Variants in CHRM2 observed in about 807,000 individuals in gnomAD.
CHRM2 encodes the protein muscarinic acetylcholine receptor M2.
Under a neutral mutation model 25.0 loss-of-function variants are expected in CHRM2, and 8 were observed. The ratio of observed to expected loss-of-function variants is 0.32; its 90% CI spans 0.19 to 0.58. CHRM2 has a LOEUF of 0.58. CHRM2 is among the 20% of genes least tolerant of loss of function. The pLI is 0.88. For synonymous variants in CHRM2, 202 were observed against 205.7 expected, an observed-to-expected ratio of 0.98 and a Z score of 0.15; for missense variants, 440 against 567.1, an observed-to-expected ratio of 0.78 and a Z score of 2.28.
chr7:137,002,982 G>T (rs1804150610), intron 3 of CHRM2, among the ~76,000 whole-genome samples: 1 of 152,066 alleles, frequency 6.6e-6, no homozygotes, highest in African/African-American at 2.4e-5. Context: ...ACATCTTCTA[G>T]ATCTTCTAGA....
At chr7:136,953,404 A>C (rs1437317217) in intron 2 of CHRM2, among the ~76,000 whole-genome samples, 1 of 152,202 alleles carries the variant, frequency 6.6e-6, no homozygotes, top group Admixed American at 6.5e-5. Context: ...GTGTATAGAT[A>C]GATTTTTCTG....
chr7:136,896,643 A>G (rs138367550), intron 2 of CHRM2, among the ~76,000 whole-genome samples: 22 of 152,254 alleles, frequency 1.4e-4, no homozygotes, highest in African/African-American at 5.3e-4. Flanking sequence ...AACATCTTTC[A>G]TGACCCTAAA....
At chr7:136,891,984 C>G (rs1420309089) in intron 2 of CHRM2, among the ~76,000 whole-genome samples, 2 of 152,146 alleles carry the variant, frequency 1.3e-5, no homozygotes, top group Non-Finnish European at 2.9e-5. Flanking sequence ...TTTGATAACT[C>G]AGGAGAAGGC....
At chr7:136,940,190 T>C (rs1440722341) in intron 2 of CHRM2, among the ~76,000 whole-genome samples, 2 of 152,190 alleles carry the variant, frequency 1.3e-5, no homozygotes, top group East Asian at 1.9e-4. Context: ...GAAAAGAATA[T>C]AGCAGTTTGT....
intron 2 of CHRM2, among the ~76,000 whole-genome samples, chr7:136,945,498 AC>A (rs1394394538): frequency 6.6e-6 from 1 of 151,648 alleles, no homozygotes; most frequent in Non-Finnish European, 1.5e-5. Flanking sequence ...TCCTTTCCCC[AC>A]TTTGTTTGTG....
chr7:136,949,459 T>TAA lies in CHRM2; in HGVS notation c.-124-42710_-124-42709dup, dbSNP rs386411435. ...TAACAAGACCCTGTCTCTGCAAAAC[T>TAA]AAAAAAAAAAAAAAAAAAATCAGCC... On this transcript the variant is annotated intron_variant, in intron 2 of 3. Coordinates refer to ENST00000680005, the MANE Select transcript of CHRM2 (RefSeq NM_001006630.2). Among the ~76,000 whole-genome samples, 494 of 120,834 alleles carry TAA rather than the reference T, an allele frequency of 4.1e-3. 18 individuals are homozygous for TAA. The highest frequency in any genetic ancestry group is 9.1e-3 in the Admixed American group (107 of 11,712). 79.3% of individuals were successfully genotyped at this position (120,834 alleles called of 152,430 possible).
At chr7:137,007,352 C>G (rs1804511519) in intron 3 of CHRM2, among the ~76,000 whole-genome samples, 1 of 152,084 alleles carries the variant, frequency 6.6e-6, no homozygotes, top group African/African-American at 2.4e-5. Context: ...TTCTATCCCC[C>G]ACAGCCCTTG....
chr7:136,938,143 G>T, intron 2 of CHRM2: 1 of 647,288 alleles, frequency 1.5e-6, no homozygotes. Context: ...TCCTCTTCTT[G>T]TCAGGATCTG....
At chr7:136,870,388 G>A (rs1161795107) in intron 2 of CHRM2, 1 of 152,458 alleles carries the variant, frequency 6.6e-6, no homozygotes, top group Non-Finnish European at 1.5e-5. Flanking sequence ...GCGCTGCCCG[G>A]CGCCCCTGGG....
chr7:136,986,104 C>CA (rs1352876807), intron 2 of CHRM2, among the ~76,000 whole-genome samples: 3 of 152,136 alleles, frequency 2.0e-5, no homozygotes, highest in African/African-American at 7.2e-5. Flanking sequence ...GATGAGAACC[C>CA]AATCAGCTGA....
In CHRM2 at chr7:136,881,862, T is replaced by C. The variant is rs929471174; in HGVS notation, c.-125+12444T>C. ...ATCACAGGGCTGTTTACTTTCCACT[T>C]CTCTTTCTCACATCATCTTCCAATC... On this transcript the variant is annotated intron_variant, in intron 2 of 3. Transcript: ENST00000680005. Among the ~76,000 whole-genome samples the C allele has an allele frequency of 2.6e-5, 4 of 152,100 alleles. No individual in the cohort carries two copies. In the East Asian group the frequency reaches 7.7e-4, roughly 29 times the overall value.
chr7:136,987,914 A>G (rs1227711956), intron 2 of CHRM2, among the ~76,000 whole-genome samples: 1 of 152,158 alleles, frequency 6.6e-6, no homozygotes, highest in Non-Finnish European at 1.5e-5. Flanking sequence ...TTATAAGCAA[A>G]TAGGGTGCAG....
At chr7:136,995,118 C>T (rs186813353) in intron 3 of CHRM2, among the ~76,000 whole-genome samples, 1 of 152,202 alleles carries the variant, frequency 6.6e-6, no homozygotes, top group Admixed American at 6.5e-5. Flanking sequence ...ATCCTATACA[C>T]ATTGTATAGA....
intron 2 of CHRM2, among the ~76,000 whole-genome samples, chr7:136,873,991 A>G (rs1795948359): frequency 6.6e-6 from 1 of 152,222 alleles, no homozygotes; most frequent in Non-Finnish European, 1.5e-5. Context: ...TGTCTGATGC[A>G]TAGTAATAAA....
chr7:136,918,781 T>C (rs192148511), intron 2 of CHRM2, among the ~76,000 whole-genome samples: 81 of 152,122 alleles, frequency 5.3e-4, no homozygotes, highest in African/African-American at 1.9e-3. Flanking sequence ...GCTGGTGTTA[T>C]AGAGAAACTT....
chr7:136,910,824 T>TGTGC (rs1195559414), intron 2 of CHRM2, among the ~76,000 whole-genome samples: 2 of 148,392 alleles, frequency 1.3e-5, no homozygotes, highest in African/African-American at 5.2e-5. Context: ...TGTGTGTGTG[T>TGTGC]GTGTGTGAGA....
chr7:136,900,788 T>C (rs1310785574), intron 2 of CHRM2, among the ~76,000 whole-genome samples: 1 of 152,020 alleles, frequency 6.6e-6, no homozygotes, highest in Non-Finnish European at 1.5e-5. Context: ...GTTTTCCGTA[T>C]GTGCAGGGTG....
chr7:137,002,976 C>G (rs1804150144), intron 3 of CHRM2, among the ~76,000 whole-genome samples: 1 of 152,090 alleles, frequency 6.6e-6, no homozygotes, highest in South Asian at 2.1e-4. Context: ...TTTTCCACAT[C>G]TTCTAGATCT....
chr7:136,934,572 T>G (rs895976090), intron 2 of CHRM2, among the ~76,000 whole-genome samples: 3 of 152,150 alleles, frequency 2.0e-5, no homozygotes, highest in African/African-American at 7.2e-5. Context: ...TTTTGCTAGC[T>G]ATTTTAAACA....
Sources: gnomAD v4.1 joint callset for allele counts (sites outside exome capture counted in the v4.1 genomes callset) on GRCh38, gnomAD v4.1.1 for gene constraint, MANE v1.5 for transcripts, NCBI Gene and HGNC (gene_info 2026-07-23, HGNC 2026-07-21) for gene names.